The following DAPK1 variants were observed in gnomAD, a reference collection of about 807,000 sequenced individuals.
DAPK1 encodes death-associated protein kinase 1.
DAPK1 carries 56 observed loss-of-function variants against 144.9 expected under a neutral mutation model. That is an observed-to-expected ratio of 0.39 (90% confidence interval 0.31 to 0.48). The LOEUF is 0.48. Among genes scored for constraint, DAPK1 ranks in the 20% least tolerant of loss-of-function variants. The pLI, the probability that DAPK1 is intolerant of heterozygous loss-of-function variation, is 0.95. For synonymous variants in DAPK1, 690 were observed against 749.0 expected (o/e 0.92, Z 1.29); for missense variants, 1,454 against 1,875.4 (o/e 0.78, Z 4.15).
chr9:87,621,463 A>G (rs757639806), intron 3 of DAPK1, among the ~76,000 whole-genome samples: 95 of 152,212 alleles, frequency 6.2e-4, no homozygotes, highest in Admixed American at 2.6e-4. Flanking sequence ...CATCTGCAGT[A>G]AGCATTTCTG....
chr9:87,539,505 C>T, intron 2 of DAPK1, among the ~76,000 whole-genome samples: 1 of 145,918 alleles, frequency 6.9e-6, no homozygotes, highest in Admixed American at 7.1e-5. Context: ...TCTCGGCTCA[C>T]TGCAACCTCT....
At chr9:87,648,735 TGCTCACA>T (rs765404954) in intron 14 of DAPK1, 39 bp from the exon 15 acceptor site, 1 of 1,540,896 alleles carries the variant, frequency 6.5e-7, no homozygotes, top group Non-Finnish European at 9.0e-7. Flanking sequence ...CTCCATAGCC[TGCTCACA>T]GATGTGGCTC....
chr9:87,700,037 G>A (rs1825406693), intron 23 of DAPK1, 80 bp from the exon 24 acceptor site: 1 of 1,193,174 alleles, frequency 8.4e-7, no homozygotes, highest in South Asian at 1.3e-5. Flanking sequence ...AGCCTCTTGA[G>A]CCAGTAGGAG....
chr9:87,597,603 G>T (rs561835879), intron 2 of DAPK1, among the ~76,000 whole-genome samples: 2 of 151,962 alleles, frequency 1.3e-5, no homozygotes, highest in Non-Finnish European at 2.9e-5. Context: ...AACAGTGTGC[G>T]CTCACATGCA....
intron 3 of DAPK1, among the ~76,000 whole-genome samples, chr9:87,635,114 C>T (rs1474135745): frequency 1.3e-5 from 2 of 152,010 alleles, no homozygotes; most frequent in Non-Finnish European, 2.9e-5. Flanking sequence ...TCACAGAAGA[C>T]GGAGCTGGCA....
At chr9:87,529,117 A>G (rs1447796340) in intron 2 of DAPK1, among the ~76,000 whole-genome samples, 1 of 152,184 alleles carries the variant, frequency 6.6e-6, no homozygotes, top group Non-Finnish European at 1.5e-5. Context: ...ACAAGACCCC[A>G]GAAGTCTGAC....
At chr9:87,681,368 T>A (rs746628772) in intron 19 of DAPK1, 36 bp from the exon 20 acceptor site, 2 of 1,121,390 alleles carry the variant, frequency 1.8e-6, no homozygotes, top group East Asian at 2.4e-5. Flanking sequence ...TGCCTCTTTT[T>A]CTGTCACTCA....
chr9:87,569,669 A>G (rs1401145925), intron 2 of DAPK1, among the ~76,000 whole-genome samples: 2 of 152,026 alleles, frequency 1.3e-5, no homozygotes, highest in African/African-American at 4.8e-5. Context: ...GTCAGTGTCA[A>G]TGCGGGTGCA....
rs1472337324 is a variant in DAPK1, at chr9:87,615,597, T to C, written c.284+10422T>C. 3.9e-5 allele frequency among the ~76,000 whole-genome samples: 6 copies of C among 152,366 alleles called. No individual in the cohort carries two copies. The South Asian group carries it at 1.0e-3, about 26-fold the overall frequency. The stretch of plus-strand genomic sequence containing the variant: ...GAACGTTCACTACTTTTAAGGCACT[T>C]GCACTTAGGCATGGGTCTTCCCAAA... On this transcript the variant is annotated intron_variant, in intron 3 of 25. Transcript: ENST00000408954.
At chr9:87,578,362 A>G (rs568261303) in intron 2 of DAPK1, among the ~76,000 whole-genome samples, 16 of 152,320 alleles carry the variant, frequency 1.1e-4, no homozygotes, top group African/African-American at 3.6e-4. Context: ...ATCAGATTGT[A>G]CTATGTAGAT....
intron 3 of DAPK1, among the ~76,000 whole-genome samples, chr9:87,615,515 C>T (rs1184521864): frequency 1.3e-5 from 2 of 152,194 alleles, no homozygotes; most frequent in Non-Finnish European, 2.9e-5. Context: ...TGACGTTTCC[C>T]CTAATATTTT....
At chr9:87,705,190 A>G (rs1720024090) in intron 25 of DAPK1, among the ~76,000 whole-genome samples, 1 of 151,204 alleles carries the variant, frequency 6.6e-6, no homozygotes, top group Admixed American at 6.6e-5. Flanking sequence ...GGATAGTACC[A>G]TGAACTCTCA....
chr9:87,692,730 T>C (rs1021267232), intron 21 of DAPK1, among the ~76,000 whole-genome samples: 1 of 151,644 alleles, frequency 6.6e-6, no homozygotes, highest in Admixed American at 6.6e-5. Flanking sequence ...GTTTATAGAT[T>C]TGATCTAGTG....
intron 3 of DAPK1, among the ~76,000 whole-genome samples, chr9:87,618,703 G>T (rs1829185339): frequency 6.6e-6 from 1 of 152,154 alleles, no homozygotes; most frequent in African/African-American, 2.4e-5. Context: ...TCCAGAGTAG[G>T]CACATCTGTG....
At chr9:87,635,015 T>C (rs2119112003) in intron 3 of DAPK1, among the ~76,000 whole-genome samples, 1 of 152,264 alleles carries the variant, frequency 6.6e-6, no homozygotes, top group South Asian at 2.1e-4. Context: ...TGTTACCCTT[T>C]ATTTTATAGA....
chr9:87,642,482 G>A (rs577712295), intron 10 of DAPK1, among the ~76,000 whole-genome samples: 2 of 152,136 alleles, frequency 1.3e-5, no homozygotes, highest in South Asian at 4.1e-4. Flanking sequence ...TGGGGGTGGG[G>A]TGGGGCCGTG....
chr9:87,517,274 C>T (rs1825098657), intron 2 of DAPK1, among the ~76,000 whole-genome samples: 1 of 151,900 alleles, frequency 6.6e-6, no homozygotes, highest in Non-Finnish European at 1.5e-5. Context: ...TCAGTATCTG[C>T]AGAACCCATC....
At chr9:87,544,572 C>G (rs753983001) in intron 2 of DAPK1, among the ~76,000 whole-genome samples, 12 of 152,036 alleles carry the variant, frequency 7.9e-5, no homozygotes, top group Non-Finnish European at 1.5e-4. Flanking sequence ...TTCTAATGTT[C>G]CTTGCAAACA....
chr9:87,583,282 C>A (rs895138030), intron 2 of DAPK1, among the ~76,000 whole-genome samples: 15 of 152,078 alleles, frequency 9.9e-5, no homozygotes, highest in African/African-American at 3.4e-4. Context: ...AAGGAACACT[C>A]GTTGAGTGGG....
Sources: gnomAD v4.1 joint callset for allele counts (sites outside exome capture counted in the v4.1 genomes callset) on GRCh38, gnomAD v4.1.1 for gene constraint, MANE v1.5 for transcripts, NCBI Gene and HGNC (gene_info 2026-07-23, HGNC 2026-07-21) for gene names.